NEIL3: variants seen among roughly 807,000 people sequenced by gnomAD.
NEIL3 encodes endonuclease 8-like 3.
NEIL3 carries 48 observed loss-of-function variants against 57.5 expected under a neutral mutation model. The observed-to-expected ratio is 0.83, with a 90% CI of 0.66 to 1.06. The LOEUF is 1.06. Among genes scored for constraint, NEIL3 ranks in the 50% least tolerant of loss-of-function variants. The probability of loss-of-function intolerance (pLI) is 0.00; values close to 1 mark genes in which losing one functional copy is unlikely to be tolerated. For synonymous variants in NEIL3, 261 were observed against 253.2 expected (o/e 1.03, Z -0.29); for missense variants, 717 against 739.1 (o/e 0.97, Z 0.35).
intron 2 of NEIL3, among the ~76,000 whole-genome samples, chr4:177,324,450 A>G (rs1734741760): frequency 6.6e-6 from 1 of 152,178 alleles, no homozygotes; most frequent in Admixed American, 6.5e-5. Context: ...GTAGAATACG[A>G]GCATAGCCTC....
intron 5 of NEIL3, among the ~76,000 whole-genome samples, 163 bp from the exon 6 acceptor site, chr4:177,341,313 T>C (rs964211067): frequency 2.0e-5 from 3 of 152,204 alleles, no homozygotes; most frequent in Non-Finnish European, 4.4e-5. Context: ...ATCTTGTCAA[T>C]ACCTTTTTCT....
At chr4:177,323,076 G>C (rs780031132) in intron 2 of NEIL3, among the ~76,000 whole-genome samples, 50 of 152,214 alleles carry the variant, frequency 3.3e-4, no homozygotes, top group Non-Finnish European at 6.2e-4. Flanking sequence ...TTGTTTCACA[G>C]TTCCCATGGA....
At chr4:177,357,349 C>T (rs1347937604) in intron 8 of NEIL3, among the ~76,000 whole-genome samples, 1 of 151,912 alleles carries the variant, frequency 6.6e-6, no homozygotes. Flanking sequence ...TTTCTTAAAA[C>T]GTGAGTTTTT....
chr4:177,309,945 G>A lies in NEIL3; in HGVS notation c.-9G>A, dbSNP rs1341539692. 9.3e-6 allele frequency: 15 copies of A among 1,605,514 alleles called. No homozygotes were observed. The highest frequency in any genetic ancestry group is 1.7e-5 in the Admixed American group (1 of 59,110). On this transcript the variant is annotated 5_prime_UTR_variant, in exon 1 of 10. Transcript: ENST00000264596. ...CTGCAATCGGTGGGCCACAGTGCCG[G>A]CCACAGAGATGGTGGAAGGACCAGG...
At chr4:177,369,767 G>A in the NEIL3 span, among the ~76,000 whole-genome samples, 1 of 152,196 alleles carries the variant, frequency 6.6e-6, no homozygotes, top group African/African-American at 2.4e-5. Flanking sequence ...TGGCTAGTGT[G>A]TGCTAGGTCT....
downstream of NEIL3, among the ~76,000 whole-genome samples, chr4:177,367,629 T>G (rs539846050): frequency 5.9e-5 from 9 of 152,302 alleles, no homozygotes; most frequent in Admixed American, 5.2e-4. Flanking sequence ...CCTGCATCTG[T>G]TAGTCCTTAT....
At chr4:177,328,901 C>T (rs1419565191) in intron 2 of NEIL3, among the ~76,000 whole-genome samples, 1 of 151,840 alleles carries the variant, frequency 6.6e-6, no homozygotes, top group Non-Finnish European at 1.5e-5. Context: ...TGATGGTACA[C>T]TAATGTTGTT....
rs1347233958 is a variant in NEIL3 at position 177,312,876 on chromosome 4, CATAATT to C, written c.156+2772_156+2777del. 2.0e-5 allele frequency among the ~76,000 whole-genome samples: 3 copies of C among 151,358 alleles called. No homozygotes were observed. In the East Asian group the frequency reaches 5.8e-4, roughly 29 times the overall value. ...TGGGACTTTGATCTGAAAAAAAAAA[CATAATT>C]ATAACCTTTTGTAAACATGAAGAGT... On this transcript the variant is annotated intron_variant, in intron 1 of 9. Transcript: ENST00000264596.
At chr4:177,360,270 T>C (rs1012257861) in intron 8 of NEIL3, among the ~76,000 whole-genome samples, 1 of 152,256 alleles carries the variant, frequency 6.6e-6, no homozygotes, top group African/African-American at 2.4e-5. Flanking sequence ...TTTTGTTCTT[T>C]AGAAAGTTAA....
chr4:177,367,231 G>A (rs1056163227), downstream of NEIL3, among the ~76,000 whole-genome samples: 2 of 151,890 alleles, frequency 1.3e-5, no homozygotes, highest in Non-Finnish European at 2.9e-5. Context: ...ATCATACCTC[G>A]GATGTTTCAG....
rs529133104 is a variant in NEIL3 at position 177,310,308 on chromosome 4, C to A, written c.156+199C>A. 7.3e-4 allele frequency among the ~76,000 whole-genome samples: 111 copies of A among 152,328 alleles called. 6 individuals are homozygous for A. In the South Asian group the frequency reaches 0.023, roughly 31 times the overall value. On this transcript the variant is annotated intron_variant, in intron 1 of 9. Coordinates refer to ENST00000264596, the MANE Select transcript of NEIL3 (RefSeq NM_018248.3). ...CGCCTGCGCAGGAGAGGAGGGCTAGCGTTCTGGGCTCACGCTGCCGGAGCA... is the reference window on the plus strand; with the variant it reads ...CGCCTGCGCAGGAGAGGAGGGCTAGAGTTCTGGGCTCACGCTGCCGGAGCA...
intron 7 of NEIL3, among the ~76,000 whole-genome samples, chr4:177,352,462 A>T (rs1735376544): frequency 6.6e-6 from 1 of 152,230 alleles, no homozygotes; most frequent in African/African-American, 2.4e-5. Context: ...AGACATCTTA[A>T]TGATAATATA....
chr4:177,334,733 AC>A (rs1273089385), intron 2 of NEIL3, among the ~76,000 whole-genome samples: 1 of 152,226 alleles, frequency 6.6e-6, no homozygotes, highest in African/African-American at 2.4e-5. Flanking sequence ...TTAACCTTGT[AC>A]AATACTATAA....
intron 1 of NEIL3, among the ~76,000 whole-genome samples, chr4:177,313,458 A>C (rs1259963813): frequency 6.6e-6 from 1 of 152,206 alleles, no homozygotes; most frequent in East Asian, 1.9e-4. Flanking sequence ...CTGTCTTGTC[A>C]GCATAAAATT....
intron 6 of NEIL3, among the ~76,000 whole-genome samples, chr4:177,342,225 T>C (rs1328062864): frequency 1.3e-5 from 2 of 152,224 alleles, no homozygotes; most frequent in Admixed American, 6.5e-5. Context: ...AGTGATATTT[T>C]TGTCTCCTGG....
rs751162259 is a variant in NEIL3, at chr4:177,353,402, G to A, written c.1134G>A (p.Lys378=). ...NTFGKPHTEV[K]INRKTAFGTT... is the part of the protein sequence containing the mutation. ...TTGGAAAACCTCATACAGAAGTCAA[G>A]ATCAACAGAAAAACTGCATTTGGAA... is the stretch of plus-strand genomic sequence containing the variant. Residue 378 remains lysine (K), a synonymous_variant, in exon 8 of 10, where the codon AAG becomes AAA. Transcript: ENST00000264596. The A allele has an allele frequency of 3.7e-6, 6 of 1,613,706 alleles. No individual in the cohort carries two copies. The South Asian group carries it at 4.4e-5, about 12-fold the overall frequency.
chr4:177,366,832 A>G (rs528738115), downstream of NEIL3, among the ~76,000 whole-genome samples: 4 of 152,200 alleles, frequency 2.6e-5, no homozygotes, highest in East Asian at 5.8e-4. Context: ...CCTTTTTTCC[A>G]GTCTATTTTT....
intron 6 of NEIL3, among the ~76,000 whole-genome samples, chr4:177,346,192 A>T (rs1412269286): frequency 6.6e-6 from 1 of 151,962 alleles, no homozygotes; most frequent in African/African-American, 2.4e-5. Flanking sequence ...TAAATTTTTA[A>T]AATTTTAATC....
At chr4:177,344,608 C>A (rs1735173947) in intron 6 of NEIL3, among the ~76,000 whole-genome samples, 1 of 152,076 alleles carries the variant, frequency 6.6e-6, no homozygotes, top group Non-Finnish European at 1.5e-5. Flanking sequence ...ATCACCCAGG[C>A]TGGAGTACAG....
Sources: allele counts gnomAD v4.1 joint callset (sites outside exome capture counted in the v4.1 genomes callset), GRCh38; gene constraint gnomAD v4.1.1; transcripts MANE v1.5; gene names NCBI Gene and HGNC (gene_info 2026-07-23, HGNC 2026-07-21).